CPT1A: variants seen among roughly 807,000 people sequenced by gnomAD.
CPT1A encodes carnitine O-palmitoyltransferase 1, liver isoform.
In CPT1A, 64 loss-of-function variants were observed where a neutral mutation model predicts 100.8. The observed-to-expected ratio is 0.63, with a 90% CI of 0.52 to 0.78. The LOEUF is 0.78. Ranked by LOEUF, CPT1A falls within the 30% of genes least tolerant of loss-of-function variation. The pLI, the probability that CPT1A is intolerant of heterozygous loss-of-function variation, is 0.00. For synonymous variants in CPT1A, 363 were observed against 396.0 expected (o/e 0.92, Z 0.99); for missense variants, 802 against 1,034.1 (o/e 0.78, Z 3.08).
At position 68,817,877 on chromosome 11, in the gene CPT1A, T is replaced by A. The variant is rs182195113; in HGVS notation, c.-13-2390A>T. ...TAGCTGGGGTCAAGGGTAGGGTGTC[T>A]GGGGTCAAGCACAGGTGGCTGGGGT... is the stretch of plus-strand genomic sequence containing the variant. On this transcript the variant is annotated intron_variant, in intron 1 of 18. Coordinates refer to ENST00000265641, the MANE Select transcript of CPT1A (RefSeq NM_001876.4). Among the ~76,000 whole-genome samples, 780 of 150,994 alleles carry A rather than the reference T, an allele frequency of 5.2e-3. 8 individuals are homozygous for A. The highest frequency in any genetic ancestry group is 0.025 in the South Asian group (120 of 4,738).
rs1240173536 is a variant in CPT1A at position 68,773,348 on chromosome 11, C to T, written c.1657G>A (p.Ala553Thr). 6.2e-7 allele frequency: 1 copy of T among 1,614,208 alleles called. No individual in the cohort carries two copies. The highest frequency in any genetic ancestry group is 1.7e-5 in the Admixed American group (1 of 60,016). ...TTCTTGATGATTCCTTTACCAAAGG[C>T]TACGAATGGGAAGGAATGGAAATCC... ...DVDFHSFPFV[A>T]FGKGIIKKCR... Residue 553 changes from alanine (A) to threonine (T), a missense_variant, in exon 14 of 19, where the codon GCC becomes ACC. Physicochemically the swap from Ala to Thr is moderately conservative, Grantham distance 58. Transcript: ENST00000265641.
At chr11:68,781,044 T>G (rs1855296884) in intron 11 of CPT1A, among the ~76,000 whole-genome samples, 1 of 152,208 alleles carries the variant, frequency 6.6e-6, no homozygotes, top group Non-Finnish European at 1.5e-5. Context: ...CGTGGGCACA[T>G]GACCCCTTCA....
intron 1 of CPT1A, among the ~76,000 whole-genome samples, chr11:68,817,598 A>C (rs1856464225): frequency 6.6e-6 from 1 of 151,978 alleles, no homozygotes; most frequent in Non-Finnish European, 1.5e-5. Flanking sequence ...AAGAGCAGGC[A>C]AGAGCTGGAG....
At chr11:68,829,824 C>T (rs956763497) in intron 1 of CPT1A, among the ~76,000 whole-genome samples, 3 of 151,838 alleles carry the variant, frequency 2.0e-5, no homozygotes, top group Admixed American at 1.3e-4. Flanking sequence ...AACACCCCGG[C>T]GGCCTCCACC....
At chr11:68,831,766 T>C (rs1856886499) in intron 1 of CPT1A, among the ~76,000 whole-genome samples, 1 of 151,962 alleles carries the variant, frequency 6.6e-6, no homozygotes, top group South Asian at 2.1e-4. Context: ...TCCCAGGAGC[T>C]GGAATTACAG....
intron 3 of CPT1A, 145 bp downstream of exon 3, chr11:68,812,292 A>G: frequency 8.5e-7 from 1 of 1,180,596 alleles, no homozygotes; most frequent in Non-Finnish European, 1.3e-6. Flanking sequence ...CACCCAGGAG[A>G]CAGGAAGAAA....
chr11:68,805,817 G>GCCCCAGAA (rs1856028458), intron 4 of CPT1A, among the ~76,000 whole-genome samples: 2 of 152,140 alleles, frequency 1.3e-5, no homozygotes, highest in Admixed American at 1.3e-4. Context: ...CACACATCTG[G>GCCCCAGAA]CCCCAGAAAC....
intron 9 of CPT1A, among the ~76,000 whole-genome samples, chr11:68,788,985 A>G (rs1855545963): frequency 6.6e-6 from 1 of 152,146 alleles, no homozygotes; most frequent in Non-Finnish European, 1.5e-5. Context: ...CAGGGGAGAA[A>G]CATACACAGA....
At position 68,799,570 on chromosome 11, in the gene CPT1A, G is replaced by A. The variant is rs186996997; in HGVS notation, c.556-215C>T. Among the ~76,000 whole-genome samples the A allele has an allele frequency of 2.3e-4, 35 of 152,042 alleles. No individual in the cohort carries two copies. The East Asian group carries it at 5.0e-3, about 22-fold the overall frequency. On this transcript the variant is annotated intron_variant, in intron 5 of 18. Transcript: ENST00000265641. ...TCAAGACCAGCCTAAACAACATGGT[G>A]AAACCCCATCTCTACAAAAAAAAAC...
At chr11:68,817,009 T>TG (rs138124996) in intron 1 of CPT1A, among the ~76,000 whole-genome samples, 5,285 of 67,020 alleles carry the variant, frequency 0.079, 298 homozygotes, top group Non-Finnish European at 0.089. Flanking sequence ...GTGGTATGTG[T>TG]GGGGGGTGGG....
At chr11:68,789,644 C>T (rs554407837) in intron 9 of CPT1A, among the ~76,000 whole-genome samples, 50 of 152,282 alleles carry the variant, frequency 3.3e-4, no homozygotes, top group Admixed American at 9.2e-4. Flanking sequence ...TCAAGTGATC[C>T]ACCCGCCTCG....
At position 68,799,182 on chromosome 11, in the gene CPT1A, AAAT is replaced by A. The variant is rs776600347; in HGVS notation, c.693+33_693+35del. 3.5e-3 allele frequency: 99 copies of A among 28,186 alleles called. No individual in the cohort carries two copies. In the East Asian group the frequency reaches 0.11, roughly 32 times the overall value. The allele number at this position is 28,186 out of a possible 1,614,324, so 1.7% of individuals were successfully genotyped here. ...TCAAAATTAGCGTCTTCATACGGAA[AAAT>A]TTCATCAAGAAAAACTGTGTATACA... On this transcript the variant is annotated intron_variant, in intron 6 of 18. Coordinates refer to ENST00000265641, the MANE Select transcript of CPT1A (RefSeq NM_001876.4).
chr11:68,794,689 G>A, intron 8 of CPT1A, 115 bp downstream of exon 8: 1 of 918,682 alleles, frequency 1.1e-6, no homozygotes, highest in East Asian at 2.6e-5. Context: ...AAGATTACAG[G>A]CGTGAGACCC....
intron 1 of CPT1A, among the ~76,000 whole-genome samples, chr11:68,817,154 TGTGTGTGTGTGTGTG>T (rs1277160602): frequency 1.9e-5 from 2 of 108,036 alleles, no homozygotes; most frequent in African/African-American, 1.3e-4. Flanking sequence ...TGTGTGTGTC[TGTGTGTGTGTGTGTG>T]GTGTGTGTGT....
intron 3 of CPT1A, 75 bp downstream of exon 3, chr11:68,812,362 C>T: frequency 2.6e-6 from 4 of 1,564,372 alleles, no homozygotes; most frequent in Non-Finnish European, 3.5e-6. Flanking sequence ...ACAATCATCA[C>T]ATTTGAAGAG....
At chr11:68,765,813 G>A (rs2153995709) in intron 14 of CPT1A, among the ~76,000 whole-genome samples, 1 of 151,754 alleles carries the variant, frequency 6.6e-6, no homozygotes, top group African/African-American at 2.4e-5. Context: ...ATCAAGTCAG[G>A]CCACTGAATA....
Position 68,807,301 on chromosome 11 carries a change from T to G in CPT1A, c.453+166A>C, listed in dbSNP as rs7108728. On this transcript the variant is annotated intron_variant, in intron 4 of 18. Transcript: ENST00000265641. The stretch of plus-strand genomic sequence containing the variant: ...AGAAGCACTCTTTGGCCCCTGCTTT[T>G]GTGTCATGGTGACTCAAACCTCTCC... Among the ~76,000 whole-genome samples, 3,024 of 152,266 alleles carry G rather than the reference T, an allele frequency of 0.02. 107 individuals are homozygous for G. The highest frequency in any genetic ancestry group is 0.069 in the African/African-American group (2,863 of 41,524).
In CPT1A at chr11:68,779,283, A is replaced by G. The variant is rs905745303; in HGVS notation, c.1458+1357T>C. 2.6e-5 allele frequency among the ~76,000 whole-genome samples: 4 copies of G among 151,958 alleles called. No homozygotes were observed. In the East Asian group the frequency reaches 5.8e-4, roughly 22 times the overall value. On this transcript the variant is annotated intron_variant, in intron 12 of 18. Coordinates refer to ENST00000265641, the MANE Select transcript of CPT1A (RefSeq NM_001876.4). ...GTCTTTATAGTCAATGTGAATCTCAAAGGGGCTTGTTGCTTTAAAAGAAAA... is the reference window on the plus strand; with the variant it reads ...GTCTTTATAGTCAATGTGAATCTCAGAGGGGCTTGTTGCTTTAAAAGAAAA...
In CPT1A at chr11:68,819,406, C is replaced by G. The variant is rs145476038; in HGVS notation, c.-13-3919G>C. On this transcript the variant is annotated intron_variant, in intron 1 of 18. Coordinates refer to ENST00000265641, the MANE Select transcript of CPT1A (RefSeq NM_001876.4). ...CAAGGTTAACTCTTAGCCCCCTTCC[C>G]CATCAAAGCCTTCGCAGTAACCATG... is the stretch of plus-strand genomic sequence containing the variant. 2.1e-4 allele frequency among the ~76,000 whole-genome samples: 32 copies of G among 152,272 alleles called. No homozygotes were observed. In the East Asian group the frequency reaches 4.6e-3, roughly 22 times the overall value.
Sources: gnomAD v4.1 joint callset for allele counts (sites outside exome capture counted in the v4.1 genomes callset) on GRCh38, gnomAD v4.1.1 for gene constraint, MANE v1.5 for transcripts, NCBI Gene and HGNC (gene_info 2026-07-23, HGNC 2026-07-21) for gene names.